PRKCA: variants seen among roughly 807,000 people sequenced by gnomAD.
The protein encoded by PRKCA is protein kinase C alpha, also known as protein kinase C alpha type.
PRKCA carries 27 observed loss-of-function variants against 87.0 expected under a neutral mutation model. The ratio of observed to expected loss-of-function variants is 0.31; its 90% CI spans 0.23 to 0.43. The LOEUF (loss-of-function observed/expected upper bound fraction) is 0.43, where lower values mean the gene tolerates loss of function less well. Among genes scored for constraint, PRKCA ranks in the 20% least tolerant of loss-of-function variants. The pLI is 1.00. For synonymous variants in PRKCA, 329 were observed against 311.1 expected (o/e 1.06, Z -0.61); for missense variants, 518 against 852.3 (o/e 0.61, Z 4.88).
Position 66,803,947 on chromosome 17 carries a change from G to C in PRKCA, c.1929G>C (p.Leu643=). 1 of 1,614,044 alleles carries C rather than the reference G, an allele frequency of 6.2e-7. No homozygotes were observed. The change falls in exon 17 of 17, where the codon CTG becomes CTC. Residue 643 remains leucine (L), a synonymous_variant. Transcript: ENST00000413366. The surrounding 1 kb of genome is among the most constrained non-coding windows in gnomAD (Gnocchi z 4.4). ...GQPVLTPPDQ[L]VIANIDQSDF... is the part of the protein sequence containing the mutation. ...CCGTCTTAACACCACCTGATCAGCT[G>C]GTTATTGCTAACATAGACCAGTCTG... is the stretch of plus-strand genomic sequence containing the variant.
At chr17:66,412,852 C>T (rs1245519979) in intron 2 of PRKCA, 1 of 152,314 alleles carries the variant, frequency 6.6e-6, no homozygotes, top group South Asian at 2.1e-4. Flanking sequence ...GATTTCTCCA[C>T]ACCAGCAGCC....
intron 2 of PRKCA, among the ~76,000 whole-genome samples, chr17:66,467,611 G>A (rs1915141109): frequency 6.6e-6 from 1 of 152,202 alleles, no homozygotes; most frequent in Admixed American, 6.5e-5. Context: ...AGGCTGGAGT[G>A]CAGTGGCACC....
intron 2 of PRKCA, chr17:66,339,968 G>C (rs996881885): frequency 9.2e-5 from 14 of 152,164 alleles, no homozygotes; most frequent in African/African-American, 3.4e-4. Flanking sequence ...TATAATGGAG[G>C]TGAAAGTGAA....
chr17:66,454,301 C>T (rs562652177), intron 2 of PRKCA, among the ~76,000 whole-genome samples: 1 of 152,272 alleles, frequency 6.6e-6, no homozygotes, highest in Admixed American at 6.5e-5. Flanking sequence ...GGCCTAATGC[C>T]TCAGTTGCAG....
intron 2 of PRKCA, among the ~76,000 whole-genome samples, chr17:66,425,030 G>C (rs1834096274): frequency 6.6e-6 from 1 of 152,038 alleles, no homozygotes; most frequent in South Asian, 2.1e-4. Flanking sequence ...CCAATGTGTT[G>C]GGATTACAGG....
intron 2 of PRKCA, among the ~76,000 whole-genome samples, chr17:66,418,436 T>C (rs6504429): frequency 0.85 from 127,312 of 149,742 alleles, 54,824 homozygotes; most frequent in South Asian, 0.96. Flanking sequence ...TCATTTGTTT[T>C]AGCCTTTTTT....
At chr17:66,587,979 T>G (rs1032302444) in intron 3 of PRKCA, among the ~76,000 whole-genome samples, 4 of 148,736 alleles carry the variant, frequency 2.7e-5, no homozygotes, top group Non-Finnish European at 5.9e-5. Flanking sequence ...AGAATTCCCC[T>G]AGGTCTGGGG....
chr17:66,688,636 C>G (rs1972693811), intron 7 of PRKCA, among the ~76,000 whole-genome samples, 200 bp downstream of exon 7: 1 of 151,988 alleles, frequency 6.6e-6, no homozygotes, highest in South Asian at 2.1e-4. Flanking sequence ...AACCCCACCT[C>G]TACAGAAAAT....
intron 13 of PRKCA, among the ~76,000 whole-genome samples, chr17:66,750,948 A>T (rs999028572): frequency 6.6e-6 from 1 of 152,062 alleles, no homozygotes; most frequent in Non-Finnish European, 1.5e-5. Flanking sequence ...GCAACATGTC[A>T]CTCCACATGT....
At position 66,810,685 on chromosome 17, in the gene PRKCA, T is replaced by C. The variant is rs1976144798; in HGVS notation, c.*6648T>C. 1 of 152,158 alleles carries C rather than the reference T, an allele frequency of 6.6e-6. No homozygotes were observed. The highest frequency in any genetic ancestry group is 1.9e-4 in the East Asian group (1 of 5,186). 9.4% of individuals were successfully genotyped at this position (152,158 alleles called of 1,614,324 possible). ...ATCTCCGTTTGCATGATACGCTTTGTTAGAAACATTAATTGTAGTTTGGAA... is the reference window on the plus strand; with the variant it reads ...ATCTCCGTTTGCATGATACGCTTTGCTAGAAACATTAATTGTAGTTTGGAA... On this transcript the variant is annotated 3_prime_UTR_variant, in exon 17 of 17. Transcript: ENST00000413366.
intron 13 of PRKCA, among the ~76,000 whole-genome samples, chr17:66,744,736 A>G (rs1385767836): frequency 6.6e-6 from 1 of 152,232 alleles, no homozygotes; most frequent in Non-Finnish European, 1.5e-5. Flanking sequence ...CAGATTTATT[A>G]TCATGTGGTT....
intron 8 of PRKCA, among the ~76,000 whole-genome samples, chr17:66,695,470 A>G (rs1391776333): frequency 6.6e-6 from 1 of 152,212 alleles, no homozygotes; most frequent in Non-Finnish European, 1.5e-5. Context: ...ATGTGCTGTT[A>G]ACAGTTAATG....
At chr17:66,774,121 TC>T in intron 14 of PRKCA, 54 bp downstream of exon 14, 1 of 1,613,466 alleles carries the variant, frequency 6.2e-7, no homozygotes, top group Non-Finnish European at 8.5e-7. Flanking sequence ...TGTGAATACT[TC>T]AGCTCTGGTT....
At chr17:66,458,679 C>T (rs1335065325) in intron 2 of PRKCA, among the ~76,000 whole-genome samples, 1 of 152,018 alleles carries the variant, frequency 6.6e-6, no homozygotes, top group Non-Finnish European at 1.5e-5. Context: ...TGGGGTTTCA[C>T]CATGTTGGCC....
chr17:66,356,061 G>C (rs1182419538), intron 2 of PRKCA, among the ~76,000 whole-genome samples: 2 of 152,016 alleles, frequency 1.3e-5, no homozygotes, highest in Non-Finnish European at 2.9e-5. Flanking sequence ...ACCAAGTCCA[G>C]CTAATTTTTG....
intron 3 of PRKCA, among the ~76,000 whole-genome samples, chr17:66,625,953 C>T (rs1039086917): frequency 2.0e-5 from 3 of 152,236 alleles, no homozygotes; most frequent in Admixed American, 1.3e-4. Context: ...AATGAAACCT[C>T]ATTGAAAGTT....
At chr17:66,700,201 A>G (rs1162048778) in intron 8 of PRKCA, among the ~76,000 whole-genome samples, 1 of 152,236 alleles carries the variant, frequency 6.6e-6, no homozygotes, top group African/African-American at 2.4e-5. Flanking sequence ...GAAGGATAAA[A>G]ATTGTATGAT....
chr17:66,527,001 G>A (rs1967367541), intron 3 of PRKCA, among the ~76,000 whole-genome samples: 1 of 152,194 alleles, frequency 6.6e-6, no homozygotes, highest in South Asian at 2.1e-4. Flanking sequence ...TTGGAACACA[G>A]CCATGTCCAG....
intron 2 of PRKCA, among the ~76,000 whole-genome samples, chr17:66,493,700 T>C (rs1916343347): frequency 6.6e-6 from 1 of 152,064 alleles, no homozygotes; most frequent in South Asian, 2.1e-4. Context: ...GAGGATTCAA[T>C]TTGCTAATAA....
Sources: allele counts gnomAD v4.1 joint callset (sites outside exome capture counted in the v4.1 genomes callset), GRCh38; gene constraint gnomAD v4.1.1; non-coding constraint Gnocchi (gnomAD v3.1); transcripts MANE v1.5; gene names NCBI Gene and HGNC (gene_info 2026-07-23, HGNC 2026-07-21).